CPSF2: variants seen among roughly 807,000 people sequenced by gnomAD.
CPSF2 encodes the protein cleavage and polyadenylation specific factor 2, also known as cleavage and polyadenylation specificity factor subunit 2.
A neutral mutation model predicts 84.2 loss-of-function variants in CPSF2; 51 were observed. The observed-to-expected ratio is 0.61, with a 90% CI of 0.48 to 0.77. CPSF2 has a LOEUF of 0.77. CPSF2 is among the 30% of genes least tolerant of loss of function. CPSF2 has a pLI of 0.00. For missense variants in CPSF2, 641 were observed against 929.4 expected (o/e 0.69, Z 4.03); for synonymous variants, 286 against 311.9 (o/e 0.92, Z 0.87).
At chr14:92,122,802 AT>A (rs1204666208) in intron 1 of CPSF2, among the ~76,000 whole-genome samples, 4 of 149,782 alleles carry the variant, frequency 2.7e-5, no homozygotes, top group Non-Finnish European at 3.0e-5. Flanking sequence ...ATTTATACCC[AT>A]CCCCTAATTT....
At chr14:92,149,572 C>T (rs550100543) in intron 9 of CPSF2, among the ~76,000 whole-genome samples, 75 of 151,884 alleles carry the variant, frequency 4.9e-4, no homozygotes, top group Non-Finnish European at 8.4e-4. Context: ...GGCAGCATAG[C>T]GAGACCCTGT....
intron 7 of CPSF2, among the ~76,000 whole-genome samples, chr14:92,139,114 A>G (rs1001226133): frequency 1.3e-5 from 2 of 152,122 alleles, no homozygotes; most frequent in South Asian, 4.1e-4. Context: ...TATTAGAAAA[A>G]TATACTCTAA....
chr14:92,159,128 A>T lies in CPSF2; in HGVS notation c.1967A>T (p.Asp656Val), dbSNP rs753661309. The T allele has an allele frequency of 1.9e-6, 3 of 1,613,990 alleles. No homozygotes were observed. Among genetic ancestry groups the T allele is most frequent in the Non-Finnish European group, 2.5e-6 (3 of 1,180,006 alleles). The change falls in exon 14 of 16, where the codon GAT becomes GTT. Residue 656 changes from aspartate (D) to valine (V), a missense_variant. Transcript: ENST00000298875. ...TTAGAAGAAGGAGAACTAAAGGATGATGGAGAAGACTCAGAGATGCAAGTG... is the reference window on the plus strand; with the variant it reads ...TTAGAAGAAGGAGAACTAAAGGATGTTGGAGAAGACTCAGAGATGCAAGTG... ...VILEEGELKD[D>V]GEDSEMQVEA...
Position 92,166,220 on chromosome 14 carries a change from T to G in CPSF2, c.*4476T>G, listed in dbSNP as rs2069445310. 6.6e-6 allele frequency: 1 copy of G among 152,162 alleles called. No homozygotes were observed. The highest frequency in any genetic ancestry group is 1.5e-5 in the Non-Finnish European group (1 of 68,042). The allele number at this position is 152,162 out of a possible 1,614,324, so 9.4% of individuals were successfully genotyped here. ...CAAAGTCACGAAGGTTTACACTTAA[T>G]TTTTTTCTATCTAAAAAACCATTGC... On this transcript the variant is annotated 3_prime_UTR_variant, in exon 16 of 16. Coordinates refer to ENST00000298875, the MANE Select transcript of CPSF2 (RefSeq NM_017437.3).
intron 6 of CPSF2, among the ~76,000 whole-genome samples, chr14:92,137,881 T>A (rs1411763846): frequency 2.0e-5 from 3 of 152,160 alleles, no homozygotes; most frequent in African/African-American, 7.2e-5. Flanking sequence ...TAGGAATGTA[T>A]ATGGGATATC....
chr14:92,161,370 C>T, intron 15 of CPSF2, 124 bp downstream of exon 15: 1 of 1,135,190 alleles, frequency 8.8e-7, no homozygotes, highest in Non-Finnish European at 1.2e-6. Flanking sequence ...TATTCATGAT[C>T]ATGACCTCAA....
chr14:92,129,235 C>T (rs954074879), intron 2 of CPSF2, among the ~76,000 whole-genome samples: 3 of 152,092 alleles, frequency 2.0e-5, no homozygotes. Flanking sequence ...CCTGGGAAGA[C>T]AAGCAGGTGA....
Position 92,122,036 on chromosome 14 carries a change from T to A in CPSF2, c.-186T>A. 1 of 588,184 alleles carries A rather than the reference T, an allele frequency of 1.7e-6. No individual in the cohort carries two copies. Among genetic ancestry groups the A allele is most frequent in the Non-Finnish European group, 3.0e-6 (1 of 332,938 alleles). 36.4% of individuals were successfully genotyped at this position (588,184 alleles called of 1,614,324 possible). A position where few individuals can be genotyped will look rare whatever the true frequency, so the allele number is the denominator to read the frequency against. On this transcript the variant is annotated 5_prime_UTR_variant, in exon 1 of 16. Transcript: ENST00000298875. ...TCTGCCGGCCGGTAGTCCCTGGCGC[T>A]GCTGACCCAGCATCGGCTTTTCTAC... is the stretch of plus-strand genomic sequence containing the variant.
rs891207929 is a variant in CPSF2, at chr14:92,166,850, A to C, written c.*5106A>C. The C allele has an allele frequency of 1.3e-5, 2 of 152,066 alleles. No individual in the cohort carries two copies. Among genetic ancestry groups the C allele is most frequent in the African/African-American group, 4.8e-5 (2 of 41,394 alleles). The allele number at this position is 152,066 out of a possible 1,614,324, so 9.4% of individuals were successfully genotyped here. ...TTATGTTTCATTGATCTATATATCTATGCTAGTACCACATGTCTTCATTAC... is the reference window on the plus strand; with the variant it reads ...TTATGTTTCATTGATCTATATATCTCTGCTAGTACCACATGTCTTCATTAC... On this transcript the variant is annotated 3_prime_UTR_variant, in exon 16 of 16. Transcript: ENST00000298875.
At chr14:92,122,593 G>A (rs907600149) in intron 1 of CPSF2, among the ~76,000 whole-genome samples, 2 of 152,190 alleles carry the variant, frequency 1.3e-5, no homozygotes, top group African/African-American at 4.8e-5. Context: ...GAGACCTTTC[G>A]GTTGTTTGTA....
intron 3 of CPSF2, among the ~76,000 whole-genome samples, chr14:92,132,912 G>A (rs1050346801): frequency 6.6e-6 from 1 of 151,946 alleles, no homozygotes; most frequent in African/African-American, 2.4e-5. Flanking sequence ...CCAACATGGT[G>A]AAAGTGTGTC....
intron 9 of CPSF2, among the ~76,000 whole-genome samples, chr14:92,149,393 G>A (rs1283572228): frequency 3.5e-5 from 5 of 144,196 alleles, no homozygotes; most frequent in African/African-American, 1.3e-4. Flanking sequence ...ACCAGCCTGG[G>A]CAACAGCAAC....
chr14:92,147,265 G>T (rs935778828), intron 9 of CPSF2, among the ~76,000 whole-genome samples: 1 of 152,142 alleles, frequency 6.6e-6, no homozygotes, highest in Non-Finnish European at 1.5e-5. Context: ...GATAAGAAAA[G>T]TTTACCAAGT....
At position 92,159,792 on chromosome 14, in the gene CPSF2, A is replaced by G. The variant is rs545459915; in HGVS notation, c.2121+510A>G. On this transcript the variant is annotated intron_variant, in intron 14 of 15. Coordinates refer to ENST00000298875, the MANE Select transcript of CPSF2 (RefSeq NM_017437.3). ...CTCTGTGTATATATTAATTCTATAT[A>G]GCTAAGGAATGACATATCTTTAGCA... 4.6e-5 allele frequency among the ~76,000 whole-genome samples: 7 copies of G among 152,116 alleles called. No individual in the cohort carries two copies. In the East Asian group the frequency reaches 1.4e-3, roughly 29 times the overall value.
At chr14:92,156,165 C>T (rs1209757504) in intron 11 of CPSF2, among the ~76,000 whole-genome samples, 1 of 152,096 alleles carries the variant, frequency 6.6e-6, no homozygotes, top group African/African-American at 2.4e-5. Context: ...TGGCAGGCAC[C>T]TGTAATCCTA....
At chr14:92,122,853 C>CTTTT (rs71123318) in intron 1 of CPSF2, among the ~76,000 whole-genome samples, 383 of 141,192 alleles carry the variant, frequency 2.7e-3, no homozygotes, top group African/African-American at 9.5e-3. Context: ...TTTTTTCTTT[C>CTTTT]TTTTTTTTTT....
intron 9 of CPSF2, among the ~76,000 whole-genome samples, chr14:92,147,372 T>C (rs774845122): frequency 6.6e-6 from 1 of 152,034 alleles, no homozygotes; most frequent in Non-Finnish European, 1.5e-5. Flanking sequence ...TAGGTTGGAG[T>C]AGATTTGGAT....
intron 2 of CPSF2, among the ~76,000 whole-genome samples, chr14:92,127,341 AAGTT>A (rs1199836094): frequency 1.3e-5 from 2 of 152,184 alleles, no homozygotes; most frequent in Non-Finnish European, 2.9e-5. Flanking sequence ...ATATATATAA[AAGTT>A]AGAGGTTTTG....
intron 2 of CPSF2, among the ~76,000 whole-genome samples, chr14:92,128,929 T>C (rs1567015891): frequency 1.3e-5 from 2 of 152,110 alleles, no homozygotes; most frequent in Admixed American, 1.3e-4. Flanking sequence ...TTGAAGTTAC[T>C]GAGAGGAACA....
Sources: allele counts gnomAD v4.1 joint callset (sites outside exome capture counted in the v4.1 genomes callset), GRCh38; gene constraint gnomAD v4.1.1; transcripts MANE v1.5; gene names NCBI Gene and HGNC (gene_info 2026-07-23, HGNC 2026-07-21).